ABCA3: variants seen among roughly 807,000 people sequenced by gnomAD.
The protein encoded by ABCA3 is phospholipid-transporting ATPase ABCA3.
A neutral mutation model predicts 172.8 loss-of-function variants in ABCA3; 88 were observed. That is an observed-to-expected ratio of 0.51 (90% CI 0.43 to 0.61). The LOEUF (loss-of-function observed/expected upper bound fraction) is 0.61. Among genes scored for constraint, ABCA3 ranks in the 20% least tolerant of loss-of-function variants. ABCA3 has a pLI of 0.00. For synonymous variants in ABCA3, 1,066 were observed against 983.8 expected (o/e 1.08, Z -1.56); for missense variants, 2,164 against 2,301.0 (o/e 0.94, Z 1.22).
At chr16:2,308,381 C>A in intron 11 of ABCA3, 69 bp downstream of exon 11, 1 of 1,597,222 alleles carries the variant, frequency 6.3e-7, no homozygotes, top group Non-Finnish European at 8.6e-7. Context: ...CTGCTGGCGG[C>A]TCTTGTGGTT....
intron 10 of ABCA3, among the ~76,000 whole-genome samples, chr16:2,310,684 T>A (rs1242025592): frequency 6.6e-6 from 1 of 151,610 alleles, no homozygotes; most frequent in African/African-American, 2.4e-5. Context: ...GCCAGGCTAA[T>A]GTTTTTTTTA....
In ABCA3 at chr16:2,321,810, C is replaced by T. The variant is rs147091213; in HGVS notation, c.613+1713G>A. ...CCATGGATCAGGTGCACAAGGACCA[C>T]GGAGCTAAAAATGCCAGTAAGTCTG... On this transcript the variant is annotated intron_variant, in intron 7 of 32. Transcript: ENST00000301732. 3.2e-3 allele frequency among the ~76,000 whole-genome samples: 489 copies of T among 152,202 alleles called. 1 individual carries two copies. The highest frequency in any genetic ancestry group is 0.014 in the Middle Eastern group (4 of 294).
Position 2,285,300 on chromosome 16 carries a change from AG to A in ABCA3, c.3483+141del. On this transcript the variant is annotated intron_variant, in intron 23 of 32. Coordinates refer to ENST00000301732, the MANE Select transcript of ABCA3 (RefSeq NM_001089.3). The surrounding 1 kb of genome is among the most constrained non-coding windows in gnomAD (Gnocchi z 4.7). ...GGGAGGAGGCGAGGGGGCAGCCGCC[AG>A]GGGATTCCAGCTGTCCTCCCTGAGT... 1 of 1,054,700 alleles carries A rather than the reference AG, an allele frequency of 9.5e-7. No individual in the cohort carries two copies. The allele number at this position is 1,054,700 out of a possible 1,614,324, so 65.3% of individuals were successfully genotyped here.
Position 2,278,056 on chromosome 16 carries a change from C to T in ABCA3, c.4732G>A (p.Glu1578Lys), listed in dbSNP as rs1034626421. 17 of 1,613,310 alleles carry T rather than the reference C, an allele frequency of 1.1e-5. No individual in the cohort carries two copies. Among genetic ancestry groups the T allele is most frequent in the Non-Finnish European group, 1.4e-5 (16 of 1,180,016 alleles). The change falls in exon 31 of 33, where the codon GAG (glutamate) becomes AAG (lysine). Residue 1578 changes from glutamate (E) to lysine (K), a missense_variant. Transcript: ENST00000301732. This position sits in a 1 kb window ranked among gnomAD's most constrained non-coding sequence, Gnocchi z 4.4. ...ATGGCCAGCCGGGTGCACAGGGCCTCACACTCCTCCATGCTGTGGAGAGGG... is the reference window on the plus strand; with the variant it reads ...ATGGCCAGCCGGGTGCACAGGGCCTTACACTCCTCCATGCTGTGGAGAGGG... Reference protein sequence around the residue: ...IITSHSMEECEALCTRLAIMV... With the variant: ...IITSHSMEECKALCTRLAIMV...
intron 11 of ABCA3, among the ~76,000 whole-genome samples, chr16:2,305,060 G>A (rs190252358): frequency 3.3e-5 from 5 of 152,194 alleles, no homozygotes; most frequent in African/African-American, 7.2e-5. Context: ...CAACCTACCC[G>A]CCTTGGCCTC....
In ABCA3 at chr16:2,297,428, A is replaced by C. The variant is rs1248371146; in HGVS notation, c.2164T>G (p.Phe722Val). Reference protein sequence around the residue: ...SDRTIVLTTHFMDEADLLGDR... With the variant: ...SDRTIVLTTHVMDEADLLGDR... ...CCCAGCAGGTCAGCCTCGTCCATGA[A>C]GTGGGTGGTCAGCACGATGGTGCGG... Residue 722 changes from phenylalanine to valine, a missense_variant, in exon 17 of 33, where the codon TTC (phenylalanine) becomes GTC (valine). Coordinates refer to ENST00000301732, the MANE Select transcript of ABCA3 (RefSeq NM_001089.3). This position sits in a 1 kb window ranked among gnomAD's most constrained non-coding sequence, Gnocchi z 5.6. 13 of 1,613,632 alleles carry C rather than the reference A, an allele frequency of 8.1e-6. No individual in the cohort carries two copies. In the Admixed American group the frequency reaches 1.3e-4, roughly 17 times the overall value.
chr16:2,288,394 C>A lies in ABCA3; in HGVS notation c.2701-65G>T, dbSNP rs964911375. 3.3e-6 allele frequency: 5 copies of A among 1,508,630 alleles called. No individual in the cohort carries two copies. In the Admixed American group the frequency reaches 1.0e-4, roughly 30 times the overall value. 93.5% of individuals were successfully genotyped at this position (1,508,630 alleles called of 1,614,324 possible). A position where few individuals can be genotyped will look rare whatever the true frequency, so the allele number is the denominator to read the frequency against. On this transcript the variant is annotated intron_variant, in intron 20 of 32. Transcript: ENST00000301732. ...GGGCCCAGCGCCTGACCCCCACCCA[C>A]CTGCGGCAGGTGCTGTTCTGTGTGA...
Position 2,283,906 on chromosome 16 carries a change from T to G in ABCA3, c.3862+373A>C. 1 of 261,788 alleles carries G rather than the reference T, an allele frequency of 3.8e-6. No homozygotes were observed. The allele number at this position is 261,788 out of a possible 1,614,324, so 16.2% of individuals were successfully genotyped here. ...GGAGACAGGAGCTGCCATGCGAGGA[T>G]GGAGGCGGTGGTGGGGAGTAGGTGC... On this transcript the variant is annotated intron_variant, in intron 25 of 32. Transcript: ENST00000301732. This position sits in a 1 kb window ranked among gnomAD's most constrained non-coding sequence, Gnocchi z 5.4.
chr16:2,315,240 A>G (rs1290741191), intron 10 of ABCA3, among the ~76,000 whole-genome samples: 1 of 151,602 alleles, frequency 6.6e-6, no homozygotes, highest in Non-Finnish European at 1.5e-5. Flanking sequence ...ACACACACAC[A>G]CACAGCAAAG....
In ABCA3 at chr16:2,284,572, G is replaced by A; in HGVS notation, c.3704-135C>T. 1 of 1,386,120 alleles carries A rather than the reference G, an allele frequency of 7.2e-7. No individual in the cohort carries two copies. The highest frequency in any genetic ancestry group is 1.2e-5 in the South Asian group (1 of 84,218). The allele number at this position is 1,386,120 out of a possible 1,614,324, so 85.9% of individuals were successfully genotyped here. On this transcript the variant is annotated intron_variant, in intron 24 of 32. Transcript: ENST00000301732. This position sits in a 1 kb window ranked among gnomAD's most constrained non-coding sequence, Gnocchi z 5.9. ...GGGGGCACCTCCCAGGGACGCCCCT[G>A]CCGGCTCTGCACAGGGCAAGGACGC...
At chr16:2,338,323 G>A (rs574953309) in intron 1 of ABCA3, among the ~76,000 whole-genome samples, 1 of 152,322 alleles carries the variant, frequency 6.6e-6, no homozygotes, top group East Asian at 1.9e-4. Context: ...TGGGCCTTCA[G>A]TGTTTTGTCT....
chr16:2,339,717 C>T (rs2093757459), intron 1 of ABCA3, among the ~76,000 whole-genome samples: 1 of 152,232 alleles, frequency 6.6e-6, no homozygotes, highest in Non-Finnish European at 1.5e-5. Context: ...GACGCCTTCC[C>T]GGAGTGCACA....
chr16:2,305,057 C>A (rs1366077704), intron 11 of ABCA3, among the ~76,000 whole-genome samples: 2 of 152,140 alleles, frequency 1.3e-5, no homozygotes, highest in Non-Finnish European at 2.9e-5. Context: ...GGGCAACCTA[C>A]CCGCCTTGGC....
chr16:2,281,341 C>T lies in ABCA3; in HGVS notation c.4164+40G>A, dbSNP rs780938275. 63 of 1,613,242 alleles carry T rather than the reference C, an allele frequency of 3.9e-5. No individual in the cohort carries two copies. Among genetic ancestry groups the T allele is most frequent in the South Asian group, 2.2e-5 (2 of 91,084 alleles). ...CGGACCCTGGGGACAGCCAGGTAGTCAGCTGGCAGGAAGGACTCCACCCCA... is the reference window on the plus strand; with the variant it reads ...CGGACCCTGGGGACAGCCAGGTAGTTAGCTGGCAGGAAGGACTCCACCCCA... On this transcript the variant is annotated intron_variant, in intron 27 of 32. Coordinates refer to ENST00000301732, the MANE Select transcript of ABCA3 (RefSeq NM_001089.3). This position sits in a 1 kb window ranked among gnomAD's most constrained non-coding sequence, Gnocchi z 4.7.
In ABCA3 at chr16:2,277,938, C is replaced by T; in HGVS notation, c.4850G>A (p.Ser1617Asn). The T allele has an allele frequency of 1.2e-6, 2 of 1,611,974 alleles. No individual in the cohort carries two copies. The highest frequency in any genetic ancestry group is 1.7e-6 in the Non-Finnish European group (2 of 1,180,008). ...CTCCAGCGCCTCCTGTTGCCCTTCA[C>T]TCTGCACCTTGGCCCGCAGGGAGTA... is the stretch of plus-strand genomic sequence containing the variant. ...SGYSLRAKVQ[S>N]EGQQEALEEF... The change falls in exon 31 of 33, where the codon AGT becomes AAT. Residue 1617 changes from serine (S) to asparagine (N), a missense_variant. Around this residue, in one of 3 missense-constraint regions of ABCA3, gnomAD observed 795 missense variants for 881.9 expected, o/e 0.90. Coordinates refer to ENST00000301732, the MANE Select transcript of ABCA3 (RefSeq NM_001089.3). The surrounding 1 kb of genome is among the most constrained non-coding windows in gnomAD (Gnocchi z 5.3).
At chr16:2,315,689 G>C (rs2093714155) in intron 10 of ABCA3, among the ~76,000 whole-genome samples, 1 of 151,884 alleles carries the variant, frequency 6.6e-6, no homozygotes, top group Non-Finnish European at 1.5e-5. Flanking sequence ...TTTTGAGACA[G>C]GGTCCCTCTC....
At position 2,277,853 on chromosome 16, in the gene ABCA3, T is replaced by TG. The variant is rs747572150; in HGVS notation, c.4909+25dup. The TG allele has an allele frequency of 5.8e-5, 93 of 1,607,480 alleles. No homozygotes were observed. The highest frequency in any genetic ancestry group is 7.5e-5 in the Non-Finnish European group (89 of 1,179,464). On this transcript the variant is annotated intron_variant, in intron 31 of 32. Coordinates refer to ENST00000301732, the MANE Select transcript of ABCA3 (RefSeq NM_001089.3). The surrounding 1 kb of genome is among the most constrained non-coding windows in gnomAD (Gnocchi z 5.3). ...AGGTAGGGGCCCAGGGCCCACCCAGTGGGGGCTGCCGGGGCCGGCACACAC... is the reference window on the plus strand; with the variant it reads ...AGGTAGGGGCCCAGGGCCCACCCAGTGGGGGGCTGCCGGGGCCGGCACACAC...
At position 2,317,275 on chromosome 16, in the gene ABCA3, G is replaced by C. The variant is rs773167516; in HGVS notation, c.1111+8C>G. On this transcript the variant is annotated splice_region_variant and intron_variant, in intron 10 of 32. Transcript: ENST00000301732. ...GCAACCCCACTCTGCCCCATGACTG[G>C]GGCTCACCTTTGCTGAAGAAGGTGC... 5.0e-6 allele frequency: 8 copies of C among 1,613,852 alleles called. No individual in the cohort carries two copies. In the East Asian group the frequency reaches 1.3e-4, roughly 27 times the overall value.
At chr16:2,303,619 A>G (rs573086723) in intron 12 of ABCA3, among the ~76,000 whole-genome samples, 7 of 152,238 alleles carry the variant, frequency 4.6e-5, no homozygotes, top group East Asian at 1.9e-4. Context: ...AGAAAACCCA[A>G]TAAGATACTT....
Sources: allele counts gnomAD v4.1 joint callset (sites outside exome capture counted in the v4.1 genomes callset), GRCh38; gene constraint gnomAD v4.1.1; regional missense constraint gnomAD v4.1.1; non-coding constraint Gnocchi (gnomAD v3.1); transcripts MANE v1.5; gene names NCBI Gene and HGNC (gene_info 2026-07-23, HGNC 2026-07-21).